Variants in ZBBX observed in about 807,000 individuals in gnomAD.
The protein encoded by ZBBX is zinc finger B-box domain-containing protein 1.
A neutral mutation model predicts 108.5 loss-of-function variants in ZBBX; 101 were observed. The ratio of observed to expected loss-of-function variants is 0.93; its 90% confidence interval spans 0.79 to 1.10. The LOEUF (loss-of-function observed/expected upper bound fraction) is 1.10, where lower values mean the gene tolerates loss of function less well. ZBBX is among the 50% of genes least tolerant of loss of function. The pLI is 0.00. For missense variants in ZBBX, 1,009 were observed against 941.4 expected, an observed-to-expected ratio of 1.07 and a Z score of -0.94; for synonymous variants, 356 against 323.4, an observed-to-expected ratio of 1.10 and a Z score of -1.08.
chr3:167,319,673 G>A (rs1736090836), intron 12 of ZBBX, among the ~76,000 whole-genome samples: 1 of 151,976 alleles, frequency 6.6e-6, no homozygotes, highest in Admixed American at 6.6e-5. Context: ...TGTACTCTAG[G>A]TGGAAAATTT....
chr3:167,311,717 CAA>C (rs142174221), intron 16 of ZBBX, among the ~76,000 whole-genome samples: 2 of 146,652 alleles, frequency 1.4e-5, no homozygotes. Flanking sequence ...AATTGCAAAT[CAA>C]AAAAAAAATG....
Position 167,282,289 on chromosome 3 carries a change from G to C in ZBBX, c.2203C>G (p.His735Asp), listed in dbSNP as rs754879139. ...TCTTTTTCCAAATTGTCTAAAGTAT[G>C]TTGATCAGTAGTGTCATCTAAGGAA... is the stretch of plus-strand genomic sequence containing the variant. ...ELSLDDTTDQ[H>D]TLDNLEKELQ... The change falls in exon 20 of 22, where the codon CAT becomes GAT. Residue 735 changes from histidine (H) to aspartate (D), a missense_variant. Physicochemically the swap from His to Asp is moderately conservative, Grantham distance 81 (BLOSUM62 -1). Coordinates refer to ENST00000675490, the MANE Select transcript of ZBBX (RefSeq NM_001199201.2). 1 of 1,613,750 alleles carries C rather than the reference G, an allele frequency of 6.2e-7. No homozygotes were observed. Among genetic ancestry groups the C allele is most frequent in the Non-Finnish European group, 8.5e-7 (1 of 1,179,874 alleles).
chr3:167,343,797 A>C (rs1180738434), intron 9 of ZBBX, among the ~76,000 whole-genome samples: 3 of 151,936 alleles, frequency 2.0e-5, no homozygotes, highest in Non-Finnish European at 4.4e-5. Context: ...AGCCACTTTG[A>C]AAAACAGTCT....
chr3:167,346,797 C>T (rs143832533), intron 9 of ZBBX, among the ~76,000 whole-genome samples: 3 of 151,692 alleles, frequency 2.0e-5, no homozygotes, highest in African/African-American at 4.8e-5. Flanking sequence ...ACAACAACAA[C>T]AAAAACTTTA....
rs775700752 is a variant in ZBBX at position 167,314,125 on chromosome 3, T to A, written c.1275-9A>T. 5.7e-6 allele frequency: 9 copies of A among 1,570,872 alleles called. No homozygotes were observed. The highest frequency in any genetic ancestry group is 7.7e-6 in the Non-Finnish European group (9 of 1,163,718). On this transcript the variant is annotated splice_polypyrimidine_tract_variant and intron_variant, in intron 15 of 21. Transcript: ENST00000675490. ...AATCATGAAAAGCACAACTTTCACA[T>A]GTAGGAACAAACAAAATAATAGAGT...
intron 20 of ZBBX, among the ~76,000 whole-genome samples, chr3:167,253,062 T>C (rs567568031): frequency 6.6e-6 from 1 of 152,270 alleles, no homozygotes; most frequent in Admixed American, 6.5e-5. Context: ...GAATGATGGG[T>C]AAATATGGAT....
intron 1 of ZBBX, among the ~76,000 whole-genome samples, chr3:167,403,694 T>A (rs1027592206): frequency 6.6e-6 from 1 of 152,066 alleles, no homozygotes; most frequent in East Asian, 1.9e-4. Context: ...TCCTCTATGA[T>A]ATGTGAGGTG....
At chr3:167,195,017 C>T in the ZBBX span, among the ~76,000 whole-genome samples, 1 of 152,308 alleles carries the variant, frequency 6.6e-6, no homozygotes. Flanking sequence ...CGTCAGCAAG[C>T]TTCCAGCACT....
intron 2 of ZBBX, among the ~76,000 whole-genome samples, chr3:167,378,102 C>T (rs778816675): frequency 6.6e-6 from 1 of 152,200 alleles, no homozygotes. Context: ...GCCTCCCCAG[C>T]CCTGCAGAAC....
chr3:167,204,197 T>TA, the ZBBX span, among the ~76,000 whole-genome samples: 1 of 128,980 alleles, frequency 7.8e-6, no homozygotes, highest in Non-Finnish European at 1.6e-5. Flanking sequence ...TTTCTTTTTT[T>TA]CTTTTTTTTT....
intron 9 of ZBBX, among the ~76,000 whole-genome samples, chr3:167,335,964 G>T (rs1739477872): frequency 6.6e-6 from 1 of 151,890 alleles, no homozygotes; most frequent in Non-Finnish European, 1.5e-5. Flanking sequence ...AACATCTGTA[G>T]TTTTACCAAC....
intron 5 of ZBBX, among the ~76,000 whole-genome samples, chr3:167,366,608 T>C (rs932857138): frequency 1.3e-5 from 2 of 151,886 alleles, no homozygotes; most frequent in Non-Finnish European, 2.9e-5. Flanking sequence ...TAATTAAGAT[T>C]GGAGCACTAG....
chr3:167,353,475 G>C (rs1278574533), intron 8 of ZBBX, among the ~76,000 whole-genome samples: 1 of 151,676 alleles, frequency 6.6e-6, no homozygotes. Context: ...ATACAGAGTA[G>C]AAAAATAGAC....
intron 20 of ZBBX, among the ~76,000 whole-genome samples, chr3:167,260,770 C>T (rs970203045): frequency 4.6e-5 from 7 of 152,232 alleles, no homozygotes; most frequent in Admixed American, 2.6e-4. Flanking sequence ...TTAGGCTTCG[C>T]ATTTCTCTGG....
At chr3:167,271,634 G>A (rs1470401136) in intron 20 of ZBBX, among the ~76,000 whole-genome samples, 1 of 152,016 alleles carries the variant, frequency 6.6e-6, no homozygotes, top group Admixed American at 6.6e-5. Flanking sequence ...AGAGTTCATG[G>A]GTGTATAGGA....
chr3:167,365,414 C>A (rs1229334464), intron 6 of ZBBX, among the ~76,000 whole-genome samples: 1 of 151,452 alleles, frequency 6.6e-6, no homozygotes, highest in Admixed American at 6.6e-5. Flanking sequence ...AGCTGGGAAA[C>A]TGAAAAGTAT....
chr3:167,333,433 T>C lies in ZBBX; in HGVS notation c.687+394A>G, dbSNP rs535301839. 1.7e-3 allele frequency among the ~76,000 whole-genome samples: 258 copies of C among 152,292 alleles called. 1 individual carries two copies. Among genetic ancestry groups the C allele is most frequent in the Non-Finnish European group, 3.1e-3 (214 of 68,016 alleles). On this transcript the variant is annotated intron_variant, in intron 10 of 21. Transcript: ENST00000675490. ...AATCTGGTTTTATATAACTGTGCAA[T>C]TGCCTGTCACTTAAAACTCTGGGCA...
rs59230059 is a variant in ZBBX, at chr3:167,342,514, T to TA, written c.528+7905dup. ...AAAATATGTGTAACCATAATGCTTT[T>TA]AAAAAAACACCCCTACATGCATCCA... On this transcript the variant is annotated intron_variant, in intron 9 of 21. Transcript: ENST00000675490. Among the ~76,000 whole-genome samples the TA allele has an allele frequency of 5.3e-5, 8 of 151,580 alleles. No individual in the cohort carries two copies. The East Asian group carries it at 1.2e-3, about 22-fold the overall frequency.
At chr3:167,264,394 C>T (rs1186401139) in intron 20 of ZBBX, among the ~76,000 whole-genome samples, 1 of 151,846 alleles carries the variant, frequency 6.6e-6, no homozygotes, top group African/African-American at 2.4e-5. Context: ...ATTTGATGTT[C>T]CCATGAGACT....
Sources: gnomAD v4.1 joint callset for allele counts (sites outside exome capture counted in the v4.1 genomes callset) on GRCh38, gnomAD v4.1.1 for gene constraint, MANE v1.5 for transcripts, NCBI Gene and HGNC (gene_info 2026-07-23, HGNC 2026-07-21) for gene names.